CDH12: variants seen among roughly 807,000 people sequenced by gnomAD.
The protein encoded by CDH12 is cadherin 12.
Under a neutral mutation model 74.1 loss-of-function variants are expected in CDH12, and 41 were observed. That is an observed-to-expected ratio of 0.55 (90% CI 0.43 to 0.72). The LOEUF is 0.72. Ranked by LOEUF, CDH12 falls within the 30% of genes least tolerant of loss-of-function variation. The pLI, the probability that CDH12 is intolerant of heterozygous loss-of-function variation, is 0.00. For missense variants in CDH12, 945 were observed against 977.2 expected, an observed-to-expected ratio of 0.97 and a Z score of 0.44; for synonymous variants, 399 against 355.0, an observed-to-expected ratio of 1.12 and a Z score of -1.39.
chr5:22,642,087 G>T (rs995953721), intron 1 of CDH12, among the ~76,000 whole-genome samples: 1 of 152,078 alleles, frequency 6.6e-6, no homozygotes, highest in African/African-American at 2.4e-5. Context: ...GTAGCACTTA[G>T]GAATATACAT....
intron 1 of CDH12, among the ~76,000 whole-genome samples, chr5:22,811,690 G>T (rs73745215): frequency 6.6e-6 from 1 of 152,268 alleles, no homozygotes; most frequent in South Asian, 2.1e-4. Flanking sequence ...ATTGGGTAAC[G>T]AATTACATCA....
At chr5:21,999,716 T>C (rs1181426031) in intron 5 of CDH12, among the ~76,000 whole-genome samples, 1 of 151,418 alleles carries the variant, frequency 6.6e-6, no homozygotes. Context: ...ATCAAGGTTT[T>C]CCTCAAACAA....
chr5:21,946,971 G>A (rs1047595750), intron 6 of CDH12, among the ~76,000 whole-genome samples: 5 of 152,160 alleles, frequency 3.3e-5, no homozygotes, highest in Non-Finnish European at 5.9e-5. Flanking sequence ...CCCTCATGCT[G>A]TTCTCATGAT....
chr5:22,586,070 G>C (rs1183057423), intron 1 of CDH12, among the ~76,000 whole-genome samples: 2 of 152,142 alleles, frequency 1.3e-5, no homozygotes, highest in Non-Finnish European at 2.9e-5. Context: ...ATTCAGAATA[G>C]CAAAGACTTG....
chr5:21,797,114 TGA>T (rs1746824257), intron 10 of CDH12, among the ~76,000 whole-genome samples: 1 of 152,038 alleles, frequency 6.6e-6, no homozygotes, highest in Admixed American at 6.6e-5. Context: ...TCATGAAACC[TGA>T]GAGAACCTTT....
intron 10 of CDH12, among the ~76,000 whole-genome samples, chr5:21,797,960 G>A (rs1248320333): frequency 6.6e-6 from 1 of 152,104 alleles, no homozygotes; most frequent in East Asian, 1.9e-4. Flanking sequence ...TAGATACATA[G>A]TTTCTCTATG....
intron 2 of CDH12, among the ~76,000 whole-genome samples, chr5:22,450,344 A>T (rs1014459616): frequency 6.6e-6 from 1 of 151,894 alleles, no homozygotes; most frequent in African/African-American, 2.4e-5. Flanking sequence ...AATTGCCATG[A>T]TCAAAAGAGA....
At chr5:22,284,694 C>T (rs1737057848) in intron 3 of CDH12, among the ~76,000 whole-genome samples, 1 of 152,118 alleles carries the variant, frequency 6.6e-6, no homozygotes, top group Non-Finnish European at 1.5e-5. Flanking sequence ...TCTACACCAT[C>T]CCATACTCAC....
chr5:22,106,471 T>G (rs1744450158), intron 4 of CDH12, among the ~76,000 whole-genome samples: 1 of 152,226 alleles, frequency 6.6e-6, no homozygotes, highest in Non-Finnish European at 1.5e-5. Context: ...CTAATTCATG[T>G]AATAATGTTA....
rs374919296 is a variant in CDH12 at position 22,836,481 on chromosome 5, G to A, written c.-523+16577C>T. The stretch of plus-strand genomic sequence containing the variant: ...CCTGACCTCCTGATCCACCTACCTC[G>A]GCCTTCCAAAGTGCTGGGATTACAG... On this transcript the variant is annotated intron_variant, in intron 1 of 14. Coordinates refer to ENST00000382254, the MANE Select transcript of CDH12 (RefSeq NM_004061.5). 2.5e-4 allele frequency among the ~76,000 whole-genome samples: 38 copies of A among 151,516 alleles called. No homozygotes were observed. In the East Asian group the frequency reaches 3.1e-3, roughly 12 times the overall value.
At chr5:22,750,871 G>A (rs1745532770) in intron 1 of CDH12, among the ~76,000 whole-genome samples, 1 of 149,998 alleles carries the variant, frequency 6.7e-6, no homozygotes, top group African/African-American at 2.5e-5. Flanking sequence ...ATACACATTT[G>A]AGTCAATTAA....
At chr5:21,811,821 C>A (rs2149937691) in intron 9 of CDH12, among the ~76,000 whole-genome samples, 1 of 149,452 alleles carries the variant, frequency 6.7e-6, no homozygotes. Context: ...TGCCTTGGAG[C>A]AATTTATAAA....
chr5:22,581,973 C>T (rs1270872291), intron 1 of CDH12, among the ~76,000 whole-genome samples: 1 of 152,102 alleles, frequency 6.6e-6, no homozygotes, highest in Non-Finnish European at 1.5e-5. Context: ...CATAATCTTT[C>T]TGAGAACATT....
At chr5:22,058,444 G>A (rs1393517882) in intron 5 of CDH12, among the ~76,000 whole-genome samples, 3 of 151,996 alleles carry the variant, frequency 2.0e-5, no homozygotes, top group African/African-American at 7.2e-5. Context: ...AAGTACAAAT[G>A]TATTTGTCCC....
chr5:22,528,086 C>T (rs1390453363), intron 1 of CDH12, among the ~76,000 whole-genome samples: 2 of 152,132 alleles, frequency 1.3e-5, no homozygotes, highest in Admixed American at 6.6e-5. Flanking sequence ...TTGTACCTAA[C>T]CTTTAGGGCC....
rs114494073 is a variant in CDH12, at chr5:21,847,350, C to A, written c.647-5022G>T. ...CCAAAATTTCTTTCTAAATTAATTT[C>A]TGATTGCTTCTGTAACAAATTACCA... is the stretch of plus-strand genomic sequence containing the variant. On this transcript the variant is annotated intron_variant, in intron 7 of 14. Transcript: ENST00000382254. Among the ~76,000 whole-genome samples the A allele has an allele frequency of 7.1e-3, 1,084 of 152,208 alleles. 9 individuals carry two copies. The highest frequency in any genetic ancestry group is 0.025 in the African/African-American group (1,025 of 41,524).
intron 3 of CDH12, among the ~76,000 whole-genome samples, chr5:22,245,041 C>A (rs752833346): frequency 2.0e-5 from 3 of 152,190 alleles, no homozygotes; most frequent in African/African-American, 7.2e-5. Context: ...CAGGGCACTG[C>A]GGCAGAGCAC....
intron 2 of CDH12, among the ~76,000 whole-genome samples, chr5:22,494,199 C>T (rs571276018): frequency 1.3e-5 from 2 of 152,360 alleles, no homozygotes; most frequent in East Asian, 3.9e-4. Flanking sequence ...GGGTCACCGT[C>T]TGTGCAGTTG....
intron 1 of CDH12, among the ~76,000 whole-genome samples, chr5:22,656,547 G>T (rs1740045518): frequency 6.6e-6 from 1 of 152,148 alleles, no homozygotes; most frequent in Non-Finnish European, 1.5e-5. Flanking sequence ...GGAAATATAT[G>T]AGTGGCTGTA....
Sources: gnomAD v4.1 joint callset for allele counts (sites outside exome capture counted in the v4.1 genomes callset) on GRCh38, gnomAD v4.1.1 for gene constraint, MANE v1.5 for transcripts, NCBI Gene and HGNC (gene_info 2026-07-23, HGNC 2026-07-21) for gene names.